The following RBFOX1 variants were observed in gnomAD, a reference collection of about 807,000 sequenced individuals.
RBFOX1 encodes RNA binding protein fox-1 homolog 1.
Under a neutral mutation model 57.7 loss-of-function variants are expected in RBFOX1, and 8 were observed. The observed-to-expected ratio is 0.14, with a 90% CI of 0.08 to 0.25. RBFOX1 has a LOEUF of 0.25. RBFOX1 is among the 10% of genes least tolerant of loss of function. The pLI is 1.00. For missense variants in RBFOX1, 611 were observed against 548.5 expected (o/e 1.11, Z -1.14); for synonymous variants, 326 against 222.4 (o/e 1.47, Z -4.15).
chr16:6,015,602 C>T (rs979960672), upstream of RBFOX1, among the ~76,000 whole-genome samples: 6 of 152,198 alleles, frequency 3.9e-5, no homozygotes, highest in Non-Finnish European at 8.8e-5. Context: ...CAACAGGACT[C>T]TATTTATATT....
chr16:7,136,729 A>G (rs1319195427), intron 4 of RBFOX1, among the ~76,000 whole-genome samples: 1 of 152,110 alleles, frequency 6.6e-6, no homozygotes, highest in Non-Finnish European at 1.5e-5. Context: ...ATCTAGGGAA[A>G]ATTATCGGAT....
At chr16:5,320,113 G>A (rs1390953063) in intron 1 of RBFOX1, among the ~76,000 whole-genome samples, 1 of 152,180 alleles carries the variant, frequency 6.6e-6, no homozygotes, top group African/African-American at 2.4e-5. Context: ...GGTGTGCACA[G>A]GTCCAATAGG....
chr16:6,717,615 T>G (rs1353014788), intron 3 of RBFOX1, among the ~76,000 whole-genome samples: 1 of 151,862 alleles, frequency 6.6e-6, no homozygotes, highest in Non-Finnish European at 1.5e-5. Flanking sequence ...AATACGGTGA[T>G]TTTTTACATG....
chr16:6,459,699 G>C (rs7195675), intron 2 of RBFOX1, among the ~76,000 whole-genome samples: 1 of 151,626 alleles, frequency 6.6e-6, no homozygotes, highest in Admixed American at 6.6e-5. Context: ...TGCTCTTGCC[G>C]GGCACAGTGG....
At chr16:5,843,136 T>A (rs2056669049) in intron 3 of RBFOX1, among the ~76,000 whole-genome samples, 1 of 152,204 alleles carries the variant, frequency 6.6e-6, no homozygotes, top group Admixed American at 6.5e-5. Flanking sequence ...CTATTATTTT[T>A]ATTTTTATCT....
intron 1 of RBFOX1, among the ~76,000 whole-genome samples, chr16:6,065,453 C>T (rs2095749226): frequency 6.6e-6 from 1 of 152,166 alleles, no homozygotes; most frequent in Non-Finnish European, 1.5e-5. Context: ...TGGCTTTCTT[C>T]ATGGTCATAG....
At chr16:5,266,179 C>T (rs1214387331) in intron 1 of RBFOX1, among the ~76,000 whole-genome samples, 3 of 152,120 alleles carry the variant, frequency 2.0e-5, no homozygotes. Flanking sequence ...GTGTGTATGT[C>T]AGGGTTTCAG....
intron 13 of RBFOX1, among the ~76,000 whole-genome samples, chr16:7,669,565 A>C (rs919191898): frequency 2.0e-5 from 3 of 152,210 alleles, no homozygotes; most frequent in African/African-American, 7.2e-5. Context: ...CCGCCTAGCA[A>C]ATATGTCTTG....
At chr16:5,340,356 A>G (rs1206153925) in intron 1 of RBFOX1, among the ~76,000 whole-genome samples, 1 of 152,202 alleles carries the variant, frequency 6.6e-6, no homozygotes, top group African/African-American at 2.4e-5. Flanking sequence ...TGCCATAATG[A>G]TACTGCTTTA....
At chr16:7,086,108 A>G (rs1267695833) in intron 4 of RBFOX1, among the ~76,000 whole-genome samples, 6 of 152,120 alleles carry the variant, frequency 3.9e-5, no homozygotes, top group Non-Finnish European at 8.8e-5. Context: ...CATCATGCTT[A>G]GCCAGTATGC....
At chr16:6,125,947 A>G (rs996863133) in intron 1 of RBFOX1, among the ~76,000 whole-genome samples, 7 of 152,210 alleles carry the variant, frequency 4.6e-5, no homozygotes, top group African/African-American at 1.7e-4. Flanking sequence ...AAAATGGTAA[A>G]GCTATAAGGA....
intron 2 of RBFOX1, among the ~76,000 whole-genome samples, chr16:5,574,685 C>G (rs2046396920): frequency 6.6e-6 from 1 of 152,166 alleles, no homozygotes; most frequent in African/African-American, 2.4e-5. Context: ...CCCACCTCGG[C>G]CTCCCAAAAT....
At chr16:7,134,521 T>C (rs79133452) in intron 4 of RBFOX1, among the ~76,000 whole-genome samples, 4,789 of 152,258 alleles carry the variant, frequency 0.031, 255 homozygotes, top group African/African-American at 0.11. Context: ...AGTTTTGTGA[T>C]AGGTTTGTTT....
At chr16:6,331,854 G>C (rs1026090474) in intron 2 of RBFOX1, among the ~76,000 whole-genome samples, 28 of 151,948 alleles carry the variant, frequency 1.8e-4, no homozygotes, top group African/African-American at 6.0e-4. Context: ...TTTGCTTGGT[G>C]GGGTCTTGCT....
At chr16:6,438,972 TG>T (rs2094307756) in intron 2 of RBFOX1, among the ~76,000 whole-genome samples, 1 of 152,348 alleles carries the variant, frequency 6.6e-6, no homozygotes, top group African/African-American at 2.4e-5. Flanking sequence ...GCATTGTCAC[TG>T]CTAGTGGCTT....
At chr16:5,509,723 G>C (rs1033676437) in intron 2 of RBFOX1, among the ~76,000 whole-genome samples, 3 of 152,208 alleles carry the variant, frequency 2.0e-5, no homozygotes, top group Admixed American at 2.0e-4. Context: ...AGCTTTCGGG[G>C]CTTGGGCCAG....
chr16:6,523,374 G>A (rs1031525343), intron 2 of RBFOX1, among the ~76,000 whole-genome samples: 7 of 152,078 alleles, frequency 4.6e-5, no homozygotes, highest in African/African-American at 9.7e-5. Context: ...GAGGGGCATC[G>A]GAAGCTGTGA....
At chr16:7,146,643 C>G (rs1341555447) in intron 4 of RBFOX1, among the ~76,000 whole-genome samples, 4 of 152,026 alleles carry the variant, frequency 2.6e-5, no homozygotes, top group African/African-American at 7.2e-5. Context: ...CAGAACCCAG[C>G]AGATAACGTA....
At chr16:7,325,508 T>C (rs1352722614) in intron 4 of RBFOX1, among the ~76,000 whole-genome samples, 2 of 152,222 alleles carry the variant, frequency 1.3e-5, no homozygotes, top group Non-Finnish European at 2.9e-5. Flanking sequence ...ATACTTGTCA[T>C]TCTCATAAGA....
Sources: gnomAD v4.1 joint callset for allele counts (sites outside exome capture counted in the v4.1 genomes callset) on GRCh38, gnomAD v4.1.1 for gene constraint, MANE v1.5 for transcripts, NCBI Gene and HGNC (gene_info 2026-07-23, HGNC 2026-07-21) for gene names.